The following ACBD5 variants were observed in gnomAD, a reference collection of about 807,000 sequenced individuals.
The protein encoded by ACBD5 is acyl-CoA binding domain containing 5, also known as acyl-CoA-binding domain-containing protein 5.
ACBD5 carries 40 observed loss-of-function variants against 71.8 expected under a neutral mutation model. That is an observed-to-expected ratio of 0.56 (90% CI 0.43 to 0.72). ACBD5 has a LOEUF of 0.72. ACBD5 is among the 30% of genes least tolerant of loss of function. The probability of loss-of-function intolerance (pLI) is 0.00; values close to 1 mark genes in which losing one functional copy is unlikely to be tolerated. For missense variants in ACBD5, 559 were observed against 644.5 expected (o/e 0.87, Z 1.44); for synonymous variants, 229 against 218.6 (o/e 1.05, Z -0.42).
chr10:27,199,313 C>A (rs920467603), intron 12 of ACBD5, among the ~76,000 whole-genome samples: 9 of 151,662 alleles, frequency 5.9e-5, no homozygotes, highest in African/African-American at 2.2e-4. Flanking sequence ...GCCTCAGCCT[C>A]CTGAAGTGCT....
downstream of ACBD5, among the ~76,000 whole-genome samples, chr10:27,192,977 A>C (rs2059140224): frequency 6.6e-6 from 1 of 151,890 alleles, no homozygotes; most frequent in South Asian, 2.1e-4. Flanking sequence ...GTTTCAAAAA[A>C]AAAAAAAGTT....
At chr10:27,219,982 A>G (rs566213590) in intron 5 of ACBD5, 125 bp from the exon 6 acceptor site, 2 of 678,964 alleles carry the variant, frequency 2.9e-6, no homozygotes, top group African/African-American at 1.9e-5. Flanking sequence ...TGTTATATAT[A>G]TAATAGTATT....
At chr10:27,211,378 T>C (rs1044186957) in intron 8 of ACBD5, among the ~76,000 whole-genome samples, 1 of 152,188 alleles carries the variant, frequency 6.6e-6, no homozygotes, top group Non-Finnish European at 1.5e-5. Flanking sequence ...TGGAGTTCAC[T>C]GGCACGATCT....
chr10:27,214,347 C>A (rs940263330), intron 8 of ACBD5, among the ~76,000 whole-genome samples: 1 of 151,802 alleles, frequency 6.6e-6, no homozygotes, highest in Non-Finnish European at 1.5e-5. Context: ...ATCTCATATA[C>A]CCCATAAATA....
rs1396360230 is a variant in ACBD5 at position 27,197,421 on chromosome 10, C to T, written c.*9G>A. The T allele has an allele frequency of 3.1e-6, 5 of 1,610,214 alleles. No homozygotes were observed. The highest frequency in any genetic ancestry group is 4.2e-6 in the Non-Finnish European group (5 of 1,177,506). Reference sequence around the variant, plus strand: ...TCCAGTAGTCTTCTTGAGGAAAACACCATTTTCCTCAGTTCAGTTTTCTTT... The same window carrying T: ...TCCAGTAGTCTTCTTGAGGAAAACATCATTTTCCTCAGTTCAGTTTTCTTT... On this transcript the variant is annotated 3_prime_UTR_variant, in exon 13 of 13. Transcript: ENST00000396271.
intron 7 of ACBD5, among the ~76,000 whole-genome samples, chr10:27,216,210 G>A (rs774856963): frequency 6.0e-5 from 9 of 151,112 alleles, no homozygotes; most frequent in Admixed American, 1.3e-4. Context: ...GTGTGATCTC[G>A]GCTCACTGCA....
intron 5 of ACBD5, 101 bp downstream of exon 5, chr10:27,223,237 G>A (rs777823833): frequency 1.4e-5 from 12 of 836,352 alleles, no homozygotes; most frequent in Non-Finnish European, 2.1e-5. Context: ...TTCTCCAGTC[G>A]GACTGGCGCG....
intron 13 of ACBD5, among the ~76,000 whole-genome samples, chr10:27,187,215 G>T (rs1231103531): frequency 6.6e-6 from 1 of 152,132 alleles, no homozygotes; most frequent in Non-Finnish European, 1.5e-5. Flanking sequence ...CAGGAGAATC[G>T]CTGGAACCCA....
At position 27,215,509 on chromosome 10, in the gene ACBD5, C is replaced by A. The variant is rs778238600; in HGVS notation, c.936+26G>T. ...ATTCTAATACACCACTTTGAAAATACACCAATCAGAAAATGTCATTTTTAC... is the reference window on the plus strand; with the variant it reads ...ATTCTAATACACCACTTTGAAAATAAACCAATCAGAAAATGTCATTTTTAC... On this transcript the variant is annotated intron_variant, in intron 8 of 12. Transcript: ENST00000396271. 3 of 1,509,304 alleles carry A rather than the reference C, an allele frequency of 2.0e-6. No individual in the cohort carries two copies. The African/African-American group carries it at 4.1e-5, about 21-fold the overall frequency. 93.5% of individuals were successfully genotyped at this position (1,509,304 alleles called of 1,614,324 possible).
intron 12 of ACBD5, among the ~76,000 whole-genome samples, chr10:27,202,510 C>T (rs1474610578): frequency 6.6e-6 from 1 of 152,168 alleles, no homozygotes; most frequent in African/African-American, 2.4e-5. Context: ...TTTTACAAAA[C>T]TTCTATTAGT....
intron 13 of ACBD5, among the ~76,000 whole-genome samples, chr10:27,190,083 G>A (rs1339443869): frequency 6.6e-6 from 1 of 152,190 alleles, no homozygotes; most frequent in East Asian, 1.9e-4. Flanking sequence ...TCAGGAGTTC[G>A]AGACCAACCT....
At chr10:27,219,604 T>C in intron 6 of ACBD5, 119 bp downstream of exon 6, 1 of 1,387,434 alleles carries the variant, frequency 7.2e-7, no homozygotes. Flanking sequence ...GTTTATAAGG[T>C]CAACAGCTTA....
In ACBD5 at chr10:27,215,660, G is replaced by A. The variant is rs1405845242; in HGVS notation, c.830-19C>T. 5.9e-6 allele frequency: 9 copies of A among 1,535,598 alleles called. No individual in the cohort carries two copies. The highest frequency in any genetic ancestry group is 8.1e-6 in the Non-Finnish European group (9 of 1,111,264). ...TTTATATCTAAATATGAACAAAAGT[G>A]CAGATAGGGTAATTATACTATAGTA... On this transcript the variant is annotated intron_variant, in intron 7 of 12. Coordinates refer to ENST00000396271, the MANE Select transcript of ACBD5 (RefSeq NM_145698.5).
chr10:27,210,665 G>C (rs1402674120), intron 9 of ACBD5, 149 bp downstream of exon 9: 3 of 1,007,292 alleles, frequency 3.0e-6, no homozygotes, highest in South Asian at 1.5e-5. Flanking sequence ...GGCTGAGGCA[G>C]GAGAATCACT....
intron 4 of ACBD5, among the ~76,000 whole-genome samples, chr10:27,224,594 A>T (rs933171043): frequency 3.9e-5 from 6 of 152,232 alleles, no homozygotes; most frequent in Non-Finnish European, 8.8e-5. Flanking sequence ...AGAACAAGGT[A>T]AATTAACTGA....
In ACBD5 at chr10:27,196,675, T is replaced by A. The variant is rs903536112; in HGVS notation, c.*755A>T. The A allele has an allele frequency of 2.2e-6, 1 of 454,442 alleles. No individual in the cohort carries two copies. The highest frequency in any genetic ancestry group is 2.0e-5 in the African/African-American group (1 of 50,012). The allele number at this position is 454,442 out of a possible 1,614,324, so 28.2% of individuals were successfully genotyped here. A position where few individuals can be genotyped will look rare whatever the true frequency, so the allele number is the denominator to read the frequency against. ...CAAAAATGATTACAAAGGAATACAT[T>A]TATATGATTGAATAAAAACCTGATT... On this transcript the variant is annotated 3_prime_UTR_variant, in exon 13 of 13. Transcript: ENST00000396271.
At chr10:27,190,441 G>T (rs189393366), downstream of ACBD5, among the ~76,000 whole-genome samples, 3 of 152,270 alleles carry the variant, frequency 2.0e-5, no homozygotes, top group Admixed American at 2.0e-4. Flanking sequence ...TTAATAAAAT[G>T]ATAATTATTT....
At chr10:27,208,084 T>C (rs2060658627) in intron 10 of ACBD5, among the ~76,000 whole-genome samples, 162 bp downstream of exon 10, 4 of 152,196 alleles carry the variant, frequency 2.6e-5, no homozygotes, top group Admixed American at 2.6e-4. Flanking sequence ...AGTAATTAGT[T>C]TCTGGGTCAG....
chr10:27,209,844 T>C (rs1265003965), intron 9 of ACBD5, among the ~76,000 whole-genome samples: 1 of 152,250 alleles, frequency 6.6e-6, no homozygotes, highest in African/African-American at 2.4e-5. Flanking sequence ...AACACTTAAA[T>C]GGTTACATAA....
Sources: gnomAD v4.1 joint callset for allele counts (sites outside exome capture counted in the v4.1 genomes callset) on GRCh38, gnomAD v4.1.1 for gene constraint, MANE v1.5 for transcripts, NCBI Gene and HGNC (gene_info 2026-07-23, HGNC 2026-07-21) for gene names.